Variants in KIF2C observed in about 807,000 individuals in gnomAD.
KIF2C encodes kinesin family member 2C.
KIF2C carries 34 observed loss-of-function variants against 97.4 expected under a neutral mutation model. That is an observed-to-expected ratio of 0.35 (90% CI 0.27 to 0.46). The LOEUF is 0.46. KIF2C is among the 20% of genes least tolerant of loss of function. The probability of loss-of-function intolerance (pLI) is 1.00; values close to 1 mark genes in which losing one functional copy is unlikely to be tolerated. For missense variants in KIF2C, 750 were observed against 907.6 expected, an observed-to-expected ratio of 0.83 and a Z score of 2.23; for synonymous variants, 313 against 318.2, an observed-to-expected ratio of 0.98 and a Z score of 0.17.
chr1:44,747,384 A>T lies in KIF2C; in HGVS notation c.166A>T (p.Ile56Phe). 1 of 1,607,642 alleles carries T rather than the reference A, an allele frequency of 6.2e-7. No homozygotes were observed. Among genetic ancestry groups the T allele is most frequent in the East Asian group, 2.2e-5 (1 of 44,862 alleles). ...AEGGATKGKE[I>F]DFDDVAAINP... Reference sequence around the variant, plus strand: ...TGAAACTTTTACTTGCTCCTTGCAGATTGATTTTGATGATGTGGCTGCAAT... The same window carrying T: ...TGAAACTTTTACTTGCTCCTTGCAGTTTGATTTTGATGATGTGGCTGCAAT... Residue 56 changes from isoleucine to phenylalanine, a missense_variant and splice_region_variant, in exon 3 of 21, where the codon ATT becomes TTT. Coordinates refer to ENST00000372224, the MANE Select transcript of KIF2C (RefSeq NM_006845.4).
chr1:44,753,921 C>T, intron 7 of KIF2C, 88 bp downstream of exon 7: 1 of 565,544 alleles, frequency 1.8e-6, no homozygotes, highest in Non-Finnish European at 3.0e-6. Flanking sequence ...AGTTGGGCCC[C>T]AGCATTTCTG....
chr1:44,752,997 C>T (rs1014253745), intron 5 of KIF2C, 135 bp from the exon 6 acceptor site: 45 of 1,094,390 alleles, frequency 4.1e-5, no homozygotes, highest in Non-Finnish European at 5.2e-5. Flanking sequence ...AAGGGAAAAG[C>T]ACAAGCTCTG....
At position 44,763,734 on chromosome 1, in the gene KIF2C, G is replaced by T. The variant is rs374369868; in HGVS notation, c.1971+1076G>T. 3.3e-5 allele frequency among the ~76,000 whole-genome samples: 5 copies of T among 152,160 alleles called. No individual in the cohort carries two copies. The East Asian group carries it at 7.7e-4, about 23-fold the overall frequency. ...GGCAGTTAGGAGATTGTTGGAAAGG[G>T]TTCAAGAAAAACTATTGCCAGCCAG... On this transcript the variant is annotated intron_variant, in intron 19 of 20. Coordinates refer to ENST00000372224, the MANE Select transcript of KIF2C (RefSeq NM_006845.4).
intron 16 of KIF2C, chr1:44,761,191 C>T (rs1440281631): frequency 6.0e-6 from 1 of 167,640 alleles, no homozygotes; most frequent in African/African-American, 2.4e-5. Context: ...ATATTCTCCC[C>T]TACCCTTTGG....
At chr1:44,749,328 G>A (rs909455571) in intron 4 of KIF2C, among the ~76,000 whole-genome samples, 2 of 152,168 alleles carry the variant, frequency 1.3e-5, no homozygotes, top group East Asian at 3.9e-4. Flanking sequence ...CAGCTACTCA[G>A]GAAGCTGAGG....
In KIF2C at chr1:44,760,846, C is replaced by A; in HGVS notation, c.1683+144C>A. The A allele has an allele frequency of 1.5e-6, 1 of 654,128 alleles. No homozygotes were observed. Among genetic ancestry groups the A allele is most frequent in the Non-Finnish European group, 2.7e-6 (1 of 369,788 alleles). 40.5% of individuals were successfully genotyped at this position (654,128 alleles called of 1,614,324 possible). On this transcript the variant is annotated intron_variant, in intron 16 of 20. Coordinates refer to ENST00000372224, the MANE Select transcript of KIF2C (RefSeq NM_006845.4). The surrounding 1 kb of genome is among the most constrained non-coding windows in gnomAD (Gnocchi z 4.2). ...GCTGTACCGTGACTGGGCTTCCAGA[C>A]CCTGCTTTAATGCACGAGACTCCTT...
Position 44,750,698 on chromosome 1 carries a change from G to A in KIF2C, c.439+134G>A, listed in dbSNP as rs937833467. The A allele has an allele frequency of 8.5e-5, 88 of 1,034,758 alleles. 1 individual carries two copies. In the African/African-American group the frequency reaches 1.2e-3, roughly 14 times the overall value. 64.1% of individuals were successfully genotyped at this position (1,034,758 alleles called of 1,614,324 possible). Reference sequence around the variant, plus strand: ...TGGTCTGCTCCTGCCCTACCAACACGGCTTTCTTATTTGGAAATCATCTCT... The same window carrying A: ...TGGTCTGCTCCTGCCCTACCAACACAGCTTTCTTATTTGGAAATCATCTCT... On this transcript the variant is annotated intron_variant, in intron 5 of 20. Coordinates refer to ENST00000372224, the MANE Select transcript of KIF2C (RefSeq NM_006845.4).
chr1:44,748,939 C>T (rs577158104), intron 4 of KIF2C, among the ~76,000 whole-genome samples: 58 of 152,030 alleles, frequency 3.8e-4, no homozygotes, highest in Admixed American at 3.6e-3. Flanking sequence ...CTCAGCCTCC[C>T]AAAGTGCTGG....
chr1:44,759,334 G>T lies in KIF2C; in HGVS notation c.1353G>T (p.Met451Ile). 6.2e-7 allele frequency: 1 copy of T among 1,614,140 alleles called. No homozygotes were observed. Among genetic ancestry groups the T allele is most frequent in the South Asian group, 1.1e-5 (1 of 91,076 alleles). Residue 451 changes from methionine to isoleucine, a missense_variant, in exon 14 of 21, where the codon ATG (methionine) becomes ATT (isoleucine). Coordinates refer to ENST00000372224, the MANE Select transcript of KIF2C (RefSeq NM_006845.4). ...SADDVIKMIDMGSACRTSGQT... is the reference protein window; with the variant it reads ...SADDVIKMIDIGSACRTSGQT... ...ATGATGTCATCAAGATGATCGACAT[G>T]GGCAGCGCCTGCAGGTGAGAGTCCT...
At chr1:44,748,707 ATTTTTTTTTT>A (rs928683142) in intron 4 of KIF2C, among the ~76,000 whole-genome samples, 11 of 123,138 alleles carry the variant, frequency 8.9e-5, no homozygotes, top group African/African-American at 1.3e-4. Flanking sequence ...CACCTGGCTA[ATTTTTTTTTT>A]TTTTTTTTTT....
intron 2 of KIF2C, among the ~76,000 whole-genome samples, chr1:44,744,644 T>C (rs1649092554): frequency 6.6e-6 from 1 of 152,168 alleles, no homozygotes; most frequent in South Asian, 2.1e-4. Flanking sequence ...CTCACACTTG[T>C]AATCCCAGCA....
intron 6 of KIF2C, 125 bp downstream of exon 6, chr1:44,753,379 T>C (rs1471535076): frequency 4.7e-6 from 5 of 1,062,440 alleles, no homozygotes; most frequent in Non-Finnish European, 6.6e-6. Flanking sequence ...GGGCATGTTT[T>C]CCTCTGGCCA....
rs1649662309 is a variant in KIF2C at position 44,753,827 on chromosome 1, A to G, written c.657A>G (p.Arg219=). The change falls in exon 7 of 21, where the codon AGA becomes AGG. Residue 219 remains arginine, a synonymous_variant. Transcript: ENST00000372224. ...KAQNSEMRMK[R]AQEYDSSFPN... The stretch of plus-strand genomic sequence containing the variant: ...AGAACTCTGAAATGAGAATGAAGAG[A>G]GCTCAGGTACCTTTCTTGGGAGACT... The G allele has an allele frequency of 1.2e-6, 2 of 1,602,570 alleles. No individual in the cohort carries two copies. Among genetic ancestry groups the G allele is most frequent in the African/African-American group, 2.7e-5 (2 of 74,152 alleles).
chr1:44,752,290 G>A lies in KIF2C; in HGVS notation c.440-842G>A, dbSNP rs1459482254. Among the ~76,000 whole-genome samples, 10 of 151,446 alleles carry A rather than the reference G, an allele frequency of 6.6e-5. No homozygotes were observed. In the South Asian group the frequency reaches 1.0e-3, roughly 16 times the overall value. On this transcript the variant is annotated intron_variant, in intron 5 of 20. Transcript: ENST00000372224. Reference sequence around the variant, plus strand: ...GCTGGGACTACAGCCGCCTGCCACCGCGCCCGGCTAATTTTTTGTATTTTT... The same window carrying A: ...GCTGGGACTACAGCCGCCTGCCACCACGCCCGGCTAATTTTTTGTATTTTT...
chr1:44,754,755 T>C lies in KIF2C; in HGVS notation c.669T>C (p.Tyr223=). The C allele has an allele frequency of 2.5e-6, 4 of 1,606,260 alleles. No individual in the cohort carries two copies. Among genetic ancestry groups the C allele is most frequent in the Non-Finnish European group, 2.6e-6 (3 of 1,172,880 alleles). ...SEMRMKRAQE[Y]DSSFPNWEFA... is the part of the protein sequence containing the mutation. ...TCACTCTCGTCTCAAACCAGGAGTA[T>C]GACAGTAGTTTTCCAAACTGGGAAT... Residue 223 remains tyrosine (Y), a synonymous_variant, in exon 8 of 21, where the codon TAT becomes TAC. Transcript: ENST00000372224.
chr1:44,740,052 C>G (rs918129931), intron 1 of KIF2C, 50 bp downstream of exon 1: 1 of 1,600,868 alleles, frequency 6.2e-7, no homozygotes, highest in Admixed American at 1.7e-5. Flanking sequence ...GGTGAGACGA[C>G]TGAAATTACT....
At chr1:44,747,332 T>G in intron 2 of KIF2C, 52 bp from the exon 3 acceptor site, 5 of 1,377,416 alleles carry the variant, frequency 3.6e-6, no homozygotes, top group East Asian at 2.3e-5. Context: ...AGAAAAAATG[T>G]ATTTGGATTG....
rs1305693544 is a variant in KIF2C at position 44,763,844 on chromosome 1, G to A, written c.1971+1186G>A. On this transcript the variant is annotated intron_variant, in intron 19 of 20. Transcript: ENST00000372224. ...AGGTCAGGAGTTCGAGACCAGCCTG[G>A]CCAACGTGGCGAAACCCCATGTCTA... is the stretch of plus-strand genomic sequence containing the variant. 2.0e-5 allele frequency among the ~76,000 whole-genome samples: 3 copies of A among 152,244 alleles called. No homozygotes were observed. The East Asian group carries it at 5.8e-4, about 29-fold the overall frequency.
In KIF2C at chr1:44,739,878, A is replaced by G; in HGVS notation, c.-55A>G. ...CGCGGCGTTAAGACTTCGTAGGGTTAGCGAAATTGAGGTTTCTTGGTATTG... is the reference window on the plus strand; with the variant it reads ...CGCGGCGTTAAGACTTCGTAGGGTTGGCGAAATTGAGGTTTCTTGGTATTG... On this transcript the variant is annotated 5_prime_UTR_variant, in exon 1 of 21. Transcript: ENST00000372224. The G allele has an allele frequency of 1.3e-6, 2 of 1,513,280 alleles. No individual in the cohort carries two copies. Among genetic ancestry groups the G allele is most frequent in the East Asian group, 2.3e-5 (1 of 44,348 alleles). The allele number at this position is 1,513,280 out of a possible 1,614,324, so 93.7% of individuals were successfully genotyped here. A position where few individuals can be genotyped will look rare whatever the true frequency, so the allele number is the denominator to read the frequency against.
Sources: allele counts gnomAD v4.1 joint callset (sites outside exome capture counted in the v4.1 genomes callset), GRCh38; gene constraint gnomAD v4.1.1; non-coding constraint Gnocchi (gnomAD v3.1); transcripts MANE v1.5; gene names NCBI Gene and HGNC (gene_info 2026-07-23, HGNC 2026-07-21).